Variants in IL25 observed in about 807,000 individuals in gnomAD.
The protein encoded by IL25 is interleukin 25, also known as interleukin-25.
Under a neutral mutation model 13.2 loss-of-function variants are expected in IL25, and 10 were observed. The observed-to-expected ratio is 0.76, with a 90% CI of 0.47 to 1.29. The LOEUF (loss-of-function observed/expected upper bound fraction) is 1.29. Ranked by LOEUF, IL25 falls within the 50% of genes most tolerant of loss-of-function variation. The probability of loss-of-function intolerance (pLI) is 0.00; values close to 1 mark genes in which losing one functional copy is unlikely to be tolerated. For synonymous variants in IL25, 107 were observed against 92.1 expected (o/e 1.16, Z -0.93); for missense variants, 235 against 232.4 (o/e 1.01, Z -0.07).
In IL25 at chr14:23,375,847, T is replaced by TTGTG; in HGVS notation, c.510_513dup (p.Arg172CysfsTer42). 1 of 1,614,080 alleles carries TTGTG rather than the reference T, an allele frequency of 6.2e-7. No homozygotes were observed. Among genetic ancestry groups the TTGTG allele is most frequent in the Non-Finnish European group, 8.5e-7 (1 of 1,179,984 alleles). ...GCAGGCTGTACCGTGTTTCCTTAGCTTGTGTGTGTGTGCGGCCCCGTGTGA... is the reference window on the plus strand; with the variant it reads ...GCAGGCTGTACCGTGTTTCCTTAGCTTGTGTGTGTGTGTGTGCGGCCCCGTGTGA... On this transcript the variant is annotated frameshift_variant, in exon 2 of 2. Coordinates refer to ENST00000329715, the Ensembl canonical transcript of IL25. LOFTEE classifies it high-confidence loss of function.
At chr14:23,375,857 G>A in exon 2 of IL25, 1 of 1,614,170 alleles carries the variant, frequency 6.2e-7, no homozygotes, top group Non-Finnish European at 8.5e-7. Context: ...TTGTGTGTGT[G>A]TGCGGCCCCG....
At chr14:23,373,226 G>C in exon 1 of IL25, 1 of 1,614,172 alleles carries the variant, frequency 6.2e-7, no homozygotes, top group African/African-American at 1.3e-5. Flanking sequence ...ACAGCCACTG[G>C]CCCAGCTGCT....
chr14:23,375,725 C>G, exon 2 of IL25: 2 of 1,614,220 alleles, frequency 1.2e-6, no homozygotes, highest in East Asian at 2.2e-5. Flanking sequence ...CATGGACCCC[C>G]GGGGCAACTC....
intron 1 of IL25, among the ~76,000 whole-genome samples, chr14:23,374,847 G>A (rs1276529979): frequency 2.0e-5 from 3 of 152,060 alleles, no homozygotes; most frequent in Non-Finnish European, 4.4e-5. Flanking sequence ...GCAGGAAATA[G>A]TTGAGGATAG....
At chr14:23,374,730 C>T (rs373832701) in intron 1 of IL25, among the ~76,000 whole-genome samples, 2 of 132,798 alleles carry the variant, frequency 1.5e-5, no homozygotes, top group Non-Finnish European at 1.6e-5. Flanking sequence ...TTCTTTCTTT[C>T]TTTTTTTTTT....
exon 1 of IL25, chr14:23,373,293 G>C (rs764376565): frequency 6.2e-7 from 1 of 1,614,160 alleles, no homozygotes; most frequent in South Asian, 1.1e-5. Flanking sequence ...CACTGTGCCT[G>C]TGCCTCCCCT....
exon 2 of IL25, chr14:23,375,689 T>C: frequency 6.2e-7 from 1 of 1,614,160 alleles, no homozygotes; most frequent in Non-Finnish European, 8.5e-7. Context: ...GTGCCCGCAC[T>C]GCGTCAGCCT....
At chr14:23,374,592 T>C (rs928157918) in intron 1 of IL25, among the ~76,000 whole-genome samples, 12 of 152,342 alleles carry the variant, frequency 7.9e-5, no homozygotes, top group Admixed American at 5.2e-4. Context: ...AGTGATGTGC[T>C]AGCTAATTCC....
exon 1 of IL25, chr14:23,373,258 C>T (rs773860864): frequency 1.2e-6 from 2 of 1,614,240 alleles, no homozygotes; most frequent in South Asian, 2.2e-5. Flanking sequence ...GGGCAGGACA[C>T]CTCTGAGGAG....
intron 1 of IL25, 61 bp from the exon 3 acceptor site, chr14:23,375,564 C>A: frequency 6.4e-7 from 1 of 1,573,694 alleles, no homozygotes; most frequent in Non-Finnish European, 8.6e-7. Context: ...ACTCCCATGC[C>A]ACCCCACCCT....
chr14:23,373,404 T>G lies in IL25; in HGVS notation c.278+8T>G, dbSNP rs749078531. On this transcript the variant is annotated splice_region_variant and intron_variant, in intron 1 of 1. Coordinates refer to ENST00000329715, the Ensembl canonical transcript of IL25. ...CTCCCCCTGGAGATATGAGTGAGTC[T>G]GCTGCCCCTCCCGAATGCCTGCCCT... The G allele has an allele frequency of 6.2e-7, 1 of 1,600,756 alleles. No individual in the cohort carries two copies. Among genetic ancestry groups the G allele is most frequent in the South Asian group, 1.1e-5 (1 of 90,776 alleles).
At chr14:23,376,031 G>T in exon 2 of IL25, 1 of 1,048,720 alleles carries the variant, frequency 9.5e-7, no homozygotes, top group Non-Finnish European at 1.4e-6. Context: ...GGGCTTTGGG[G>T]AAAGCCTGCA....
exon 1 of IL25, chr14:23,372,869 GAAAAT>G: frequency 8.8e-7 from 1 of 1,141,902 alleles, no homozygotes; most frequent in Non-Finnish European, 1.3e-6. Flanking sequence ...CAGGCTTGCT[GAAAAT>G]AAAATCAGGA....
chr14:23,374,651 T>G (rs994034902), intron 1 of IL25, among the ~76,000 whole-genome samples: 1 of 152,202 alleles, frequency 6.6e-6, no homozygotes, highest in East Asian at 1.9e-4. Flanking sequence ...AGCTGGAGAC[T>G]GTCGCCTGCC....
intron 1 of IL25, 92 bp from the exon 3 acceptor site, chr14:23,375,533 G>T: frequency 6.7e-7 from 1 of 1,488,682 alleles, no homozygotes; most frequent in South Asian, 1.3e-5. Context: ...GGCCCCAGAC[G>T]GACCATTTCC....
chr14:23,376,226 C>T (rs1890555200), exon 2 of IL25: 1 of 282,988 alleles, frequency 3.5e-6, no homozygotes, highest in Non-Finnish European at 6.6e-6. Flanking sequence ...ATATTTCCCC[C>T]TTGCTGGAGA....
At chr14:23,375,313 T>A (rs1595036992) in intron 1 of IL25, among the ~76,000 whole-genome samples, 1 of 152,174 alleles carries the variant, frequency 6.6e-6, no homozygotes, top group African/African-American at 2.4e-5. Flanking sequence ...AGAAACCTCA[T>A]GCTGAGTCAG....
chr14:23,375,716 A>T, exon 2 of IL25: 1 of 1,614,114 alleles, frequency 6.2e-7, no homozygotes, highest in South Asian at 1.1e-5. Context: ...AGGCTCCCAC[A>T]TGGACCCCCG....
exon 2 of IL25, chr14:23,376,344 G>T (rs1388569579): frequency 6.0e-6 from 1 of 167,040 alleles, no homozygotes; most frequent in Non-Finnish European, 1.3e-5. Context: ...TGATTCTGAG[G>T]AGGAAGCTGT....
Sources: gnomAD v4.1 joint callset for allele counts (sites outside exome capture counted in the v4.1 genomes callset) on GRCh38, gnomAD v4.1.1 for gene constraint, MANE v1.5 for transcripts, NCBI Gene and HGNC (gene_info 2026-07-23, HGNC 2026-07-21) for gene names.